The following KIF13A variants were observed in gnomAD, a reference collection of about 807,000 sequenced individuals.
KIF13A encodes the protein kinesin-like protein KIF13A.
In KIF13A, 79 loss-of-function variants were observed where a neutral mutation model predicts 212.2. That is an observed-to-expected ratio of 0.37 (90% confidence interval 0.31 to 0.45). The LOEUF (loss-of-function observed/expected upper bound fraction) is 0.45. KIF13A is among the 20% of genes least tolerant of loss of function. KIF13A has a pLI of 1.00. For synonymous variants in KIF13A, 789 were observed against 808.6 expected, an observed-to-expected ratio of 0.98 and a Z score of 0.41; for missense variants, 1,901 against 2,209.0, an observed-to-expected ratio of 0.86 and a Z score of 2.79.
rs754558260 is a variant in KIF13A at position 17,872,737 on chromosome 6, G to A, written c.220+640C>T. 4.6e-5 allele frequency among the ~76,000 whole-genome samples: 7 copies of A among 152,104 alleles called. No individual in the cohort carries two copies. The highest frequency in any genetic ancestry group is 7.4e-5 in the Non-Finnish European group (5 of 68,024). On this transcript the variant is annotated intron_variant, in intron 4 of 38. Coordinates refer to ENST00000259711, the MANE Select transcript of KIF13A (RefSeq NM_022113.6). This position sits in a 1 kb window ranked among gnomAD's most constrained non-coding sequence, Gnocchi z 4.7. ...TGCAACCTCTGCCTCCTGGGCTCAAGGCATTCTCCCGCCTCAGCCTCCCAA... is the reference window on the plus strand; with the variant it reads ...TGCAACCTCTGCCTCCTGGGCTCAAAGCATTCTCCCGCCTCAGCCTCCCAA...
chr6:17,817,076 G>A lies in KIF13A; in HGVS notation c.1944C>T (p.Arg648=), dbSNP rs761116138. 1 of 1,613,736 alleles carries A rather than the reference G, an allele frequency of 6.2e-7. No homozygotes were observed. Among genetic ancestry groups the A allele is most frequent in the Non-Finnish European group, 8.5e-7 (1 of 1,179,886 alleles). Residue 648 remains arginine, a synonymous_variant, in exon 17 of 39, where the codon CGC becomes CGT. Coordinates refer to ENST00000259711, the MANE Select transcript of KIF13A (RefSeq NM_022113.6). ...DRQPQSSGPD[R]LAYSSQTAQQ... is the part of the protein sequence containing the mutation. ...GCGCTGTCTGGCTGCTGTAGGCCAG[G>A]CGGTCAGGGCCGCTACTCTGTGGCT...
chr6:17,830,713 T>G (rs1404486842), intron 13 of KIF13A, among the ~76,000 whole-genome samples: 2 of 151,992 alleles, frequency 1.3e-5, no homozygotes, highest in African/African-American at 4.8e-5. Flanking sequence ...GATCTTGAGA[T>G]CTCCTTGGAA....
intron 13 of KIF13A, 92 bp downstream of exon 13, chr6:17,831,009 A>G (rs540520209): frequency 2.4e-6 from 3 of 1,241,700 alleles, no homozygotes; most frequent in African/African-American, 3.0e-5. Context: ...GCTGGATACA[A>G]AAAGCAACAT....
rs1223897433 is a variant in KIF13A, at chr6:17,825,368, T to G, written c.1786+400A>C. Among the ~76,000 whole-genome samples the G allele has an allele frequency of 6.6e-6, 1 of 152,250 alleles. No individual in the cohort carries two copies. The highest frequency in any genetic ancestry group is 1.5e-5 in the Non-Finnish European group (1 of 68,042). On this transcript the variant is annotated intron_variant, in intron 16 of 38. Coordinates refer to ENST00000259711, the MANE Select transcript of KIF13A (RefSeq NM_022113.6). The surrounding 1 kb of genome is among the most constrained non-coding windows in gnomAD (Gnocchi z 4.5). ...ATACTAAAATGCTGTGACTTTTATC[T>G]TTCCATAGATTATATTTGAAATTCC...
chr6:17,975,363 C>G (rs1780265980), intron 2 of KIF13A, among the ~76,000 whole-genome samples: 1 of 152,036 alleles, frequency 6.6e-6, no homozygotes, highest in African/African-American at 2.4e-5. Flanking sequence ...AAGCTGCGGA[C>G]CCTCACAATG....
At chr6:17,798,206 C>G (rs1244747689) in intron 22 of KIF13A, among the ~76,000 whole-genome samples, 2 of 139,746 alleles carry the variant, frequency 1.4e-5, no homozygotes, top group African/African-American at 6.3e-5. Context: ...GAAAAAACTC[C>G]AAGATGAAAA....
At chr6:17,822,039 A>AATT in intron 16 of KIF13A, 1 of 692,404 alleles carries the variant, frequency 1.4e-6, no homozygotes, top group Non-Finnish European at 2.1e-6. Flanking sequence ...GGGAAACATA[A>AATT]CTTCTTTTTT....
At position 17,787,896 on chromosome 6, in the gene KIF13A, T is replaced by C; in HGVS notation, c.3262-21A>G. 7.4e-7 allele frequency: 1 copy of C among 1,353,888 alleles called. No homozygotes were observed. Among genetic ancestry groups the C allele is most frequent in the Non-Finnish European group, 1.1e-6 (1 of 943,084 alleles). 83.9% of individuals were successfully genotyped at this position (1,353,888 alleles called of 1,614,324 possible). On this transcript the variant is annotated intron_variant, in intron 26 of 38. Coordinates refer to ENST00000259711, the MANE Select transcript of KIF13A (RefSeq NM_022113.6). This position sits in a 1 kb window ranked among gnomAD's most constrained non-coding sequence, Gnocchi z 4.6. Reference sequence around the variant, plus strand: ...TCTTCCTAACATCAGGGAGGGAAAATATTTTCCTGTAGACTGCACAGACAA... The same window carrying C: ...TCTTCCTAACATCAGGGAGGGAAAACATTTTCCTGTAGACTGCACAGACAA...
chr6:17,932,710 T>C lies in KIF13A; in HGVS notation c.147-34530A>G, dbSNP rs542372045. On this transcript the variant is annotated intron_variant, in intron 2 of 38. Transcript: ENST00000259711. ...TACTGTACAGATTCCAGAAACGCTATGCAAGCTCCTACAGCTTGTATGCAG... is the reference window on the plus strand; with the variant it reads ...TACTGTACAGATTCCAGAAACGCTACGCAAGCTCCTACAGCTTGTATGCAG... Among the ~76,000 whole-genome samples the C allele has an allele frequency of 1.5e-3, 233 of 151,930 alleles. 1 individual carries two copies. The highest frequency in any genetic ancestry group is 5.5e-3 in the African/African-American group (226 of 41,410).
chr6:17,776,326 G>C lies in KIF13A; in HGVS notation c.4170+951C>G, dbSNP rs1367663497. Among the ~76,000 whole-genome samples the C allele has an allele frequency of 6.6e-6, 1 of 152,026 alleles. No individual in the cohort carries two copies. Among genetic ancestry groups the C allele is most frequent in the East Asian group, 1.9e-4 (1 of 5,198 alleles). ...TTTATACAGAATTATAGGGAATTTA[G>C]GGCTAATAATTTCTAGGTACCACTT... On this transcript the variant is annotated intron_variant, in intron 34 of 38. Transcript: ENST00000259711. This position sits in a 1 kb window ranked among gnomAD's most constrained non-coding sequence, Gnocchi z 4.6.
intron 2 of KIF13A, among the ~76,000 whole-genome samples, chr6:17,930,718 G>GC: frequency 6.6e-6 from 1 of 152,304 alleles, no homozygotes; most frequent in South Asian, 2.1e-4. Flanking sequence ...AAAGAAAAGG[G>GC]ACAGTGGTGA....
At chr6:17,964,640 C>G (rs750282136) in intron 2 of KIF13A, among the ~76,000 whole-genome samples, 1 of 152,088 alleles carries the variant, frequency 6.6e-6, no homozygotes, top group Non-Finnish European at 1.5e-5. Flanking sequence ...ATGCTGCTTT[C>G]TCGAAGAGAA....
chr6:17,939,884 C>CA (rs1776797665), intron 2 of KIF13A, among the ~76,000 whole-genome samples: 1 of 151,660 alleles, frequency 6.6e-6, no homozygotes. Flanking sequence ...ACTAAAAATA[C>CA]AAAAAATTAG....
intron 2 of KIF13A, among the ~76,000 whole-genome samples, chr6:17,981,108 CA>C (rs1268381617): frequency 2.0e-5 from 3 of 147,008 alleles, no homozygotes; most frequent in African/African-American, 7.5e-5. Flanking sequence ...AAGAAAAAAA[CA>C]AAAACCCAGA....
intron 16 of KIF13A, among the ~76,000 whole-genome samples, chr6:17,823,219 T>C (rs1032826183): frequency 2.0e-5 from 3 of 152,016 alleles, no homozygotes; most frequent in African/African-American, 7.2e-5. Context: ...TATTTTTTAA[T>C]TTTTAGTAAA....
At position 17,783,007 on chromosome 6, in the gene KIF13A, C is replaced by T. The variant is rs1036399305; in HGVS notation, c.3544+639G>A. On this transcript the variant is annotated intron_variant, in intron 29 of 38. Transcript: ENST00000259711. The surrounding 1 kb of genome is among the most constrained non-coding windows in gnomAD (Gnocchi z 4.3). ...CCAAAGCCACCCTCCCTGTGTCTTC[C>T]ATCCATTATTTTGGGCTTCCTTCTA... Among the ~76,000 whole-genome samples, 2 of 152,120 alleles carry T rather than the reference C, an allele frequency of 1.3e-5. No individual in the cohort carries two copies. Among genetic ancestry groups the T allele is most frequent in the African/African-American group, 4.8e-5 (2 of 41,420 alleles).
intron 9 of KIF13A, among the ~76,000 whole-genome samples, chr6:17,842,241 G>T (rs1766597318): frequency 6.6e-6 from 1 of 151,722 alleles, no homozygotes; most frequent in African/African-American, 2.4e-5. Context: ...TGTAGAGATG[G>T]GGTCTGGCTA....
At chr6:17,818,260 T>G (rs1297872810) in intron 16 of KIF13A, among the ~76,000 whole-genome samples, 1 of 152,200 alleles carries the variant, frequency 6.6e-6, no homozygotes, top group Non-Finnish European at 1.5e-5. Flanking sequence ...TCAGTGCCAT[T>G]TATGCTGTAT....
At position 17,855,548 on chromosome 6, in the gene KIF13A, G is replaced by A. The variant is rs1205042285; in HGVS notation, c.383C>T (p.Ala128Val). 6.2e-7 allele frequency: 1 copy of A among 1,613,578 alleles called. No homozygotes were observed. Among genetic ancestry groups the A allele is most frequent in the African/African-American group, 1.3e-5 (1 of 74,896 alleles). ...QLGLIPRLCC[A>V]LFKRISLEQN... ...CTCCAAAGAGATCCTTTTAAATAAA[G>A]CACAGCAGAGCCTTGGAATAAGGCC... Residue 128 changes from alanine to valine, a missense_variant, in exon 6 of 39, where the codon GCT becomes GTT. By Grantham distance (64) the Ala-to-Val change is moderately conservative. Coordinates refer to ENST00000259711, the MANE Select transcript of KIF13A (RefSeq NM_022113.6). This position sits in a 1 kb window ranked among gnomAD's most constrained non-coding sequence, Gnocchi z 4.1.
Sources: gnomAD v4.1 joint callset for allele counts (sites outside exome capture counted in the v4.1 genomes callset) on GRCh38, gnomAD v4.1.1 for gene constraint, Gnocchi (gnomAD v3.1) non-coding constraint, MANE v1.5 for transcripts, NCBI Gene and HGNC (gene_info 2026-07-23, HGNC 2026-07-21) for gene names.